DLGAP4: variants seen among roughly 807,000 people sequenced by gnomAD.
DLGAP4 encodes disks large-associated protein 4.
In DLGAP4, 18 loss-of-function variants were observed where a neutral mutation model predicts 86.9. That is an observed-to-expected ratio of 0.21 (90% CI 0.14 to 0.31). The LOEUF is 0.31. Ranked by LOEUF, DLGAP4 falls within the 10% of genes least tolerant of loss-of-function variation. DLGAP4 has a pLI of 1.00. For synonymous variants in DLGAP4, 548 were observed against 574.3 expected (o/e 0.95, Z 0.65); for missense variants, 1,085 against 1,362.6 (o/e 0.80, Z 3.21).
intron 3 of DLGAP4, among the ~76,000 whole-genome samples, chr20:36,434,319 A>G (rs1223715460): frequency 2.6e-5 from 4 of 152,244 alleles, no homozygotes; most frequent in East Asian, 3.8e-4. Flanking sequence ...ATGAAATTCC[A>G]GAAACAGTGA....
intron 1 of DLGAP4, among the ~76,000 whole-genome samples, chr20:36,356,995 T>C (rs373529229): frequency 1.5e-3 from 225 of 152,206 alleles, no homozygotes; most frequent in African/African-American, 5.2e-3. Context: ...GGTGAACCAT[T>C]GTCAGCTCTC....
intron 1 of DLGAP4, among the ~76,000 whole-genome samples, chr20:36,323,485 A>G (rs1555890792): frequency 2.0e-5 from 3 of 152,288 alleles, no homozygotes; most frequent in African/African-American, 7.2e-5. Flanking sequence ...AATATGTCAT[A>G]CGTTATCCAT....
intron 2 of DLGAP4, among the ~76,000 whole-genome samples, chr20:36,378,445 T>C (rs1428406005): frequency 6.6e-6 from 1 of 152,204 alleles, no homozygotes; most frequent in East Asian, 1.9e-4. Flanking sequence ...CAGTAAATGT[T>C]AATGTTTTTT....
In DLGAP4 at chr20:36,527,070, A is replaced by AAAC. The variant is rs2037816940; in HGVS notation, c.*41_*43dup. ...GAAAGAAACGATTTTAAATCATTAA[A>AAAC]AACACAAAAACTAAGTGCGAACGGA... On this transcript the variant is annotated 3_prime_UTR_variant, in exon 13 of 13. Coordinates refer to ENST00000339266, the MANE Select transcript of DLGAP4 (RefSeq NM_001365621.2). 3 of 1,549,200 alleles carry AAAC rather than the reference A, an allele frequency of 1.9e-6. No homozygotes were observed. The South Asian group carries it at 3.5e-5, about 18-fold the overall frequency.
chr20:36,320,757 T>A (rs1235081952), intron 1 of DLGAP4, among the ~76,000 whole-genome samples: 2 of 152,036 alleles, frequency 1.3e-5, no homozygotes, highest in African/African-American at 4.8e-5. Context: ...GGGACACTGA[T>A]GAGACAGAGG....
Position 36,486,202 on chromosome 20 carries a change from C to T in DLGAP4, c.1649-10503C>T, listed in dbSNP as rs187424939. On this transcript the variant is annotated intron_variant, in intron 7 of 12. Coordinates refer to ENST00000339266, the MANE Select transcript of DLGAP4 (RefSeq NM_001365621.2). ...GAAAGCACCATGATTATATAAGATA[C>T]TCAAGGTCCCCACCATCAGGGACCT... Among the ~76,000 whole-genome samples the T allele has an allele frequency of 6.6e-5, 10 of 152,284 alleles. No homozygotes were observed. In the East Asian group the frequency reaches 1.7e-3, roughly 26 times the overall value.
At chr20:36,467,370 G>A (rs546858131) in intron 7 of DLGAP4, among the ~76,000 whole-genome samples, 1 of 152,304 alleles carries the variant, frequency 6.6e-6, no homozygotes, top group South Asian at 2.1e-4. Context: ...ATGGCTGGAT[G>A]ATAAGTGTGC....
chr20:36,485,897 C>T (rs1036029702), intron 7 of DLGAP4, among the ~76,000 whole-genome samples: 6 of 152,252 alleles, frequency 3.9e-5, no homozygotes, highest in East Asian at 1.9e-4. Context: ...TGCTCCGTGC[C>T]GAGGGTTTGT....
At chr20:36,386,514 A>C (rs2031603966) in intron 2 of DLGAP4, among the ~76,000 whole-genome samples, 5 of 151,974 alleles carry the variant, frequency 3.3e-5, no homozygotes, top group Admixed American at 3.3e-4. Context: ...AGAAGGAAAT[A>C]CTAAAAGGCA....
At chr20:36,490,150 G>A (rs756220621) in intron 7 of DLGAP4, among the ~76,000 whole-genome samples, 24 of 152,078 alleles carry the variant, frequency 1.6e-4, no homozygotes, top group Non-Finnish European at 3.2e-4. Flanking sequence ...GAGCCTCCGC[G>A]CCCGGCCAGT....
At chr20:36,332,393 T>G (rs1285547077) in intron 1 of DLGAP4, among the ~76,000 whole-genome samples, 1 of 152,134 alleles carries the variant, frequency 6.6e-6, no homozygotes, top group African/African-American at 2.4e-5. Flanking sequence ...GTTTTGTTTT[T>G]TTGTTTCTTT....
At chr20:36,475,383 G>A (rs1042782934) in intron 7 of DLGAP4, among the ~76,000 whole-genome samples, 1 of 151,884 alleles carries the variant, frequency 6.6e-6, no homozygotes, top group Non-Finnish European at 1.5e-5. Flanking sequence ...GCTAATTTTT[G>A]TATTTTTAGT....
At chr20:36,525,254 A>AAAAAAAAAAC (rs1569527332) in intron 11 of DLGAP4, among the ~76,000 whole-genome samples, 5 of 62,464 alleles carry the variant, frequency 8.0e-5, no homozygotes, top group African/African-American at 1.9e-4. Flanking sequence ...AAAAAAAAAA[A>AAAAAAAAAAC]CAAAGAAATC....
intron 1 of DLGAP4, among the ~76,000 whole-genome samples, chr20:36,342,421 T>C (rs2065392391): frequency 6.6e-6 from 1 of 152,086 alleles, no homozygotes; most frequent in African/African-American, 2.4e-5. Flanking sequence ...GGGAGTCTGT[T>C]TGGGGCTGGA....
chr20:36,348,405 C>A (rs2030016100), intron 1 of DLGAP4, among the ~76,000 whole-genome samples: 1 of 152,126 alleles, frequency 6.6e-6, no homozygotes, highest in Admixed American at 6.6e-5. Flanking sequence ...CTTGCTGTAG[C>A]AGAGCTTACT....
Position 36,500,138 on chromosome 20 carries a change from C to A in DLGAP4, c.2100-61C>A. On this transcript the variant is annotated intron_variant, in intron 9 of 12. Transcript: ENST00000339266. This position sits in a 1 kb window ranked among gnomAD's most constrained non-coding sequence, Gnocchi z 4.6. Reference sequence around the variant, plus strand: ...TGTCCGGGTCAAGGCGGCCTCTGGTCTCTGGCCCTCTTGGTGACTCACTCC... The same window carrying A: ...TGTCCGGGTCAAGGCGGCCTCTGGTATCTGGCCCTCTTGGTGACTCACTCC... 6.7e-7 allele frequency: 1 copy of A among 1,495,592 alleles called. No individual in the cohort carries two copies. The highest frequency in any genetic ancestry group is 8.9e-7 in the Non-Finnish European group (1 of 1,118,832). 92.6% of individuals were successfully genotyped at this position (1,495,592 alleles called of 1,614,324 possible).
intron 7 of DLGAP4, among the ~76,000 whole-genome samples, chr20:36,485,121 C>T (rs2035353633): frequency 6.6e-6 from 1 of 152,088 alleles, no homozygotes; most frequent in African/African-American, 2.4e-5. Flanking sequence ...CGAGGTGGCT[C>T]GCGCCAGTAA....
rs181210082 is a variant in DLGAP4 at position 36,330,369 on chromosome 20, G to A, written c.-304+23857G>A. On this transcript the variant is annotated intron_variant, in intron 1 of 12. Transcript: ENST00000339266. Reference sequence around the variant, plus strand: ...CCTCTATGCCCCAGGCTAGAGCCAAGGTTGGACTCTGAGTGGAGATTATGG... The same window carrying A: ...CCTCTATGCCCCAGGCTAGAGCCAAAGTTGGACTCTGAGTGGAGATTATGG... Among the ~76,000 whole-genome samples, 11 of 152,186 alleles carry A rather than the reference G, an allele frequency of 7.2e-5. No homozygotes were observed. The East Asian group carries it at 1.7e-3, about 24-fold the overall frequency.
chr20:36,436,554 C>T (rs1049425484), intron 4 of DLGAP4, among the ~76,000 whole-genome samples: 1 of 152,208 alleles, frequency 6.6e-6, no homozygotes, highest in Admixed American at 6.5e-5. Context: ...CGGTGGCTCA[C>T]GCCTGTAATC....
Sources: allele counts gnomAD v4.1 joint callset (sites outside exome capture counted in the v4.1 genomes callset), GRCh38; gene constraint gnomAD v4.1.1; non-coding constraint Gnocchi (gnomAD v3.1); transcripts MANE v1.5; gene names NCBI Gene and HGNC (gene_info 2026-07-23, HGNC 2026-07-21).